SEMA6D: variants seen among roughly 807,000 people sequenced by gnomAD.
SEMA6D encodes the protein semaphorin 6D, also known as semaphorin-6D.
A neutral mutation model predicts 106.6 loss-of-function variants in SEMA6D; 35 were observed. The observed-to-expected ratio is 0.33, with a 90% CI of 0.25 to 0.44. The LOEUF (loss-of-function observed/expected upper bound fraction) is 0.44. Ranked by LOEUF, SEMA6D falls within the 20% of genes least tolerant of loss-of-function variation. The pLI is 1.00. For synonymous variants in SEMA6D, 499 were observed against 487.7 expected, an observed-to-expected ratio of 1.02 and a Z score of -0.31; for missense variants, 1,185 against 1,345.9, an observed-to-expected ratio of 0.88 and a Z score of 1.87.
At position 47,344,687 on chromosome 15, in the gene SEMA6D, G is replaced by T. The variant is rs1246051289; in HGVS notation, c.-238-67706G>T. On this transcript the variant is annotated intron_variant, in intron 1 of 19. Coordinates refer to the SEMA6D transcript ENST00000558014. ...TCTTTTGAGAATTCAGTTAAGTATT[G>T]GTCAGTGCAATGTTGTACTGGATGT... Among the ~76,000 whole-genome samples, 5 of 152,268 alleles carry T rather than the reference G, an allele frequency of 3.3e-5. No individual in the cohort carries two copies. The East Asian group carries it at 5.8e-4, about 18-fold the overall frequency.
At chr15:47,385,305 A>C (rs1417629959) in intron 1 of SEMA6D, among the ~76,000 whole-genome samples, 2 of 152,104 alleles carry the variant, frequency 1.3e-5, no homozygotes, top group African/African-American at 4.8e-5. Flanking sequence ...ACCTTGTCTC[A>C]AGACACATGA....
chr15:47,215,419 C>A lies in SEMA6D; in HGVS notation c.-239+31001C>A, dbSNP rs141578065. On this transcript the variant is annotated intron_variant, in intron 1 of 19. Transcript: ENST00000558014. ...ACAGGGATCTGTTAAAACTGTTGGGCATTTTTCAAATAATGTATGTGTTTT... is the reference window on the plus strand; with the variant it reads ...ACAGGGATCTGTTAAAACTGTTGGGAATTTTTCAAATAATGTATGTGTTTT... 6.3e-3 allele frequency among the ~76,000 whole-genome samples: 958 copies of A among 152,108 alleles called. 12 individuals are homozygous for A. The highest frequency in any genetic ancestry group is 0.022 in the African/African-American group (912 of 41,480).
chr15:47,314,125 T>G (rs1391576898), intron 1 of SEMA6D, among the ~76,000 whole-genome samples: 1 of 152,202 alleles, frequency 6.6e-6, no homozygotes, highest in Non-Finnish European at 1.5e-5. Flanking sequence ...TTCCAGATTT[T>G]GGTCATTCTA....
intron 3 of SEMA6D, among the ~76,000 whole-genome samples, chr15:47,588,462 T>G (rs1339699597): frequency 6.6e-6 from 1 of 152,146 alleles, no homozygotes; most frequent in Non-Finnish European, 1.5e-5. Context: ...CTCCTGCCTT[T>G]CCTCTTTTGT....
chr15:47,342,495 A>G (rs1454624190), intron 1 of SEMA6D, among the ~76,000 whole-genome samples: 1 of 152,222 alleles, frequency 6.6e-6, no homozygotes, highest in African/African-American at 2.4e-5. Flanking sequence ...CTTAAGCAGG[A>G]AATTTTAACA....
At chr15:47,647,043 T>A (rs2144857417) in intron 4 of SEMA6D, among the ~76,000 whole-genome samples, 1 of 152,326 alleles carries the variant, frequency 6.6e-6, no homozygotes, top group African/African-American at 2.4e-5. Flanking sequence ...TTTTTTTCTT[T>A]CTTTCTCATC....
At chr15:47,697,790 G>A (rs553290341) in intron 4 of SEMA6D, among the ~76,000 whole-genome samples, 28 of 152,138 alleles carry the variant, frequency 1.8e-4, no homozygotes, top group Admixed American at 1.4e-3. Flanking sequence ...ACTTCCCCCC[G>A]CCTTAGGCGA....
chr15:47,687,081 A>AG (rs1555408719), intron 4 of SEMA6D, among the ~76,000 whole-genome samples: 2 of 151,648 alleles, frequency 1.3e-5, no homozygotes, highest in East Asian at 1.9e-4. Flanking sequence ...AAAAAAAAAA[A>AG]AAGAAGTACT....
intron 1 of SEMA6D, among the ~76,000 whole-genome samples, chr15:47,340,747 G>T (rs2037781378): frequency 6.6e-6 from 1 of 152,200 alleles, no homozygotes; most frequent in East Asian, 1.9e-4. Flanking sequence ...CTAAGCAAAA[G>T]AAAAGTAAGG....
intron 1 of SEMA6D, among the ~76,000 whole-genome samples, chr15:47,298,145 T>C (rs530126943): frequency 6.6e-6 from 1 of 152,246 alleles, no homozygotes; most frequent in Non-Finnish European, 1.5e-5. Context: ...ATGGGAATGA[T>C]GTGGTGAGAA....
chr15:47,421,670 G>A (rs2041161925), intron 2 of SEMA6D, among the ~76,000 whole-genome samples: 1 of 151,966 alleles, frequency 6.6e-6, no homozygotes, highest in African/African-American at 2.4e-5. Context: ...TGGTTGGGAT[G>A]GGGAGGTATT....
intron 1 of SEMA6D, among the ~76,000 whole-genome samples, chr15:47,273,560 G>T (rs918759073): frequency 5.3e-5 from 8 of 152,060 alleles, no homozygotes; most frequent in Admixed American, 1.3e-4. Flanking sequence ...TTCATTTTTT[G>T]CAGTCTTTAG....
chr15:47,431,656 T>C (rs181467024), intron 2 of SEMA6D, among the ~76,000 whole-genome samples: 5 of 152,140 alleles, frequency 3.3e-5, no homozygotes, highest in African/African-American at 9.6e-5. Flanking sequence ...AGGTCTAGCA[T>C]GTGCATATGA....
intron 3 of SEMA6D, among the ~76,000 whole-genome samples, chr15:47,545,436 A>G (rs1195085667): frequency 1.3e-5 from 2 of 152,054 alleles, no homozygotes; most frequent in Non-Finnish European, 2.9e-5. Flanking sequence ...GTAATACCAA[A>G]CCACATTATA....
intron 4 of SEMA6D, among the ~76,000 whole-genome samples, chr15:47,609,253 A>G (rs1413313350): frequency 1.3e-5 from 2 of 152,202 alleles, no homozygotes; most frequent in African/African-American, 2.4e-5. Flanking sequence ...AATAAATAAA[A>G]CACTTGTAAA....
chr15:47,596,253 A>G (rs1276761272), intron 3 of SEMA6D, among the ~76,000 whole-genome samples: 1 of 152,162 alleles, frequency 6.6e-6, no homozygotes, highest in Non-Finnish European at 1.5e-5. Flanking sequence ...CTCTACAATG[A>G]AAACGTAGAA....
intron 4 of SEMA6D, among the ~76,000 whole-genome samples, chr15:47,674,421 A>C (rs2078200863): frequency 6.6e-6 from 1 of 152,206 alleles, no homozygotes; most frequent in Non-Finnish European, 1.5e-5. Context: ...AACCTGACTA[A>C]AGCATGGTCT....
In SEMA6D at chr15:47,462,736, A is replaced by G. The variant is rs188170301; in HGVS notation, c.-158-7738A>G. 4.6e-5 allele frequency among the ~76,000 whole-genome samples: 7 copies of G among 152,220 alleles called. No individual in the cohort carries two copies. In the East Asian group the frequency reaches 1.4e-3, roughly 29 times the overall value. ...TGTGATTACTCTGTTCACAATGAAT[A>G]GATAAAAGGCCTTCTCTTTTTCATT... On this transcript the variant is annotated intron_variant, in intron 2 of 19. Transcript: ENST00000558014.
At chr15:47,613,172 C>G (rs188986903) in intron 4 of SEMA6D, among the ~76,000 whole-genome samples, 13 of 152,324 alleles carry the variant, frequency 8.5e-5, no homozygotes, top group Non-Finnish European at 1.6e-4. Context: ...TCTACCCCCA[C>G]ACATACACCG....
Sources: gnomAD v4.1 joint callset for allele counts (sites outside exome capture counted in the v4.1 genomes callset) on GRCh38, gnomAD v4.1.1 for gene constraint, MANE v1.5 for transcripts, NCBI Gene and HGNC (gene_info 2026-07-23, HGNC 2026-07-21) for gene names.